The following ZEB2 variants were observed in gnomAD, a reference collection of about 807,000 sequenced individuals.
ZEB2 encodes the protein zinc finger E-box binding homeobox 2, also known as zinc finger E-box-binding homeobox 2.
In ZEB2, 6 loss-of-function variants were observed where a neutral mutation model predicts 99.9. That is an observed-to-expected ratio of 0.06 (90% confidence interval 0.03 to 0.12). The LOEUF (loss-of-function observed/expected upper bound fraction) is 0.12. Ranked by LOEUF, ZEB2 falls within the 10% of genes least tolerant of loss-of-function variation. The probability of loss-of-function intolerance (pLI) is 1.00; values close to 1 mark genes in which losing one functional copy is unlikely to be tolerated. For synonymous variants in ZEB2, 517 were observed against 542.5 expected, an observed-to-expected ratio of 0.95 and a Z score of 0.65; for missense variants, 969 against 1,502.8, an observed-to-expected ratio of 0.64 and a Z score of 5.87.
At chr2:144,477,323 C>G (rs964677948) in intron 2 of ZEB2, among the ~76,000 whole-genome samples, 5 of 152,320 alleles carry the variant, frequency 3.3e-5, no homozygotes, top group South Asian at 4.1e-4. Flanking sequence ...ATCTAAACTT[C>G]CTTTGTTAAA....
chr2:144,400,293 C>T (rs769584738), intron 7 of ZEB2, 23 bp from the exon 8 acceptor site: 12 of 1,600,106 alleles, frequency 7.5e-6, no homozygotes, highest in East Asian at 2.2e-5. Flanking sequence ...TTAAAATTAC[C>T]GTTACATTTC....
At chr2:144,480,965 T>C (rs546621261) in intron 2 of ZEB2, among the ~76,000 whole-genome samples, 33 of 152,334 alleles carry the variant, frequency 2.2e-4, no homozygotes, top group African/African-American at 7.7e-4. Flanking sequence ...TTTTGTATCT[T>C]GCTTCAATCT....
At chr2:144,512,084 G>T in intron 2 of ZEB2, 1 of 1,287,216 alleles carries the variant, frequency 7.8e-7, no homozygotes, top group Non-Finnish European at 1.0e-6. Flanking sequence ...ATGCGGGAAT[G>T]AATGGTACAG....
intron 4 of ZEB2, among the ~76,000 whole-genome samples, chr2:144,422,206 T>C (rs1369809333): frequency 1.3e-5 from 2 of 152,230 alleles, no homozygotes; most frequent in Non-Finnish European, 2.9e-5. Flanking sequence ...TAGCATAACA[T>C]GACCCAGACT....
chr2:144,427,881 A>C (rs1319410981), intron 3 of ZEB2: 1 of 152,180 alleles, frequency 6.6e-6, no homozygotes, highest in African/African-American at 2.4e-5. Context: ...GGCACCATTA[A>C]CTACAGGTGA....
chr2:144,477,664 A>G (rs1349815462), intron 2 of ZEB2, among the ~76,000 whole-genome samples: 6 of 152,190 alleles, frequency 3.9e-5, no homozygotes, highest in Non-Finnish European at 7.3e-5. Context: ...TTCTTCAGCT[A>G]CTTTTGAGTT....
At chr2:144,421,793 A>T (rs1008650907) in intron 4 of ZEB2, among the ~76,000 whole-genome samples, 5 of 151,954 alleles carry the variant, frequency 3.3e-5, no homozygotes, top group Admixed American at 3.3e-4. Context: ...CTTGAACATG[A>T]TCTGAGTATA....
intron 2 of ZEB2, chr2:144,494,620 A>C (rs1704734592): frequency 1.3e-5 from 2 of 152,186 alleles, no homozygotes; most frequent in Non-Finnish European, 2.9e-5. Flanking sequence ...TTTAATGCCC[A>C]GCTGGTTCTG....
intron 2 of ZEB2, among the ~76,000 whole-genome samples, chr2:144,472,260 C>T (rs1704368236): frequency 6.6e-6 from 1 of 152,038 alleles, no homozygotes; most frequent in African/African-American, 2.4e-5. Flanking sequence ...TCTTTATAAT[C>T]ATCCTCAAAA....
intron 2 of ZEB2, among the ~76,000 whole-genome samples, chr2:144,479,224 T>C (rs1004838605): frequency 2.0e-5 from 3 of 152,232 alleles, no homozygotes; most frequent in Non-Finnish European, 2.9e-5. Context: ...ATGCTTGCAT[T>C]TCATTTGAAC....
intron 4 of ZEB2, among the ~76,000 whole-genome samples, chr2:144,414,551 T>A (rs951723119): frequency 2.6e-5 from 4 of 151,974 alleles, no homozygotes; most frequent in African/African-American, 9.7e-5. Flanking sequence ...TCCAGTAAAA[T>A]TTCATTAGAA....
At chr2:144,454,315 C>T (rs1233470275) in intron 2 of ZEB2, among the ~76,000 whole-genome samples, 1 of 152,176 alleles carries the variant, frequency 6.6e-6, no homozygotes, top group East Asian at 1.9e-4. Context: ...AAAAGTTGAA[C>T]TACTGAAACT....
chr2:144,408,934 A>C (rs1703421738), intron 4 of ZEB2, among the ~76,000 whole-genome samples: 1 of 141,692 alleles, frequency 7.1e-6, no homozygotes, highest in East Asian at 2.0e-4. Context: ...AAAAGCATCA[A>C]GGCAGTTTTT....
intron 2 of ZEB2, chr2:144,450,052 T>C (rs532735946): frequency 9.9e-5 from 15 of 152,206 alleles, no homozygotes; most frequent in Non-Finnish European, 1.6e-4. Flanking sequence ...GTGGTAGGTA[T>C]ACCTGGAATT....
intron 2 of ZEB2, among the ~76,000 whole-genome samples, chr2:144,465,994 T>C (rs1273676973): frequency 6.6e-6 from 1 of 152,100 alleles, no homozygotes; most frequent in Admixed American, 6.6e-5. Context: ...AGGGCAGAAC[T>C]TTCCAGTCAA....
chr2:144,458,398 G>T (rs1704149123), intron 2 of ZEB2, among the ~76,000 whole-genome samples: 1 of 152,206 alleles, frequency 6.6e-6, no homozygotes, highest in East Asian at 1.9e-4. Context: ...CAAGTTGCCT[G>T]ATTTTCCTAA....
In ZEB2 at chr2:144,399,311, C is replaced by T. The variant is rs727504224; in HGVS notation, c.1876G>A (p.Gly626Arg). 5.2e-5 allele frequency: 84 copies of T among 1,613,930 alleles called. No individual in the cohort carries two copies. The highest frequency in any genetic ancestry group is 1.2e-4 in the African/African-American group (9 of 74,866). Residue 626 changes from glycine to arginine, a missense_variant, in exon 8 of 10, where the codon GGA becomes AGA. By Grantham distance (125) the Gly-to-Arg change is moderately radical. Coordinates refer to ENST00000627532, the MANE Select transcript of ZEB2 (RefSeq NM_014795.4). This position sits in a 1 kb window ranked among gnomAD's most constrained non-coding sequence, Gnocchi z 5.6. ...AGGGCTTTATTATCAACAAAAACTC[C>T]GGCTTTGTTGGGGACTATGTTTTCA... The part of the protein sequence containing the change: ...PHENIVPNKA[G>R]VFVDNKALLL...
At chr2:144,466,194 G>C (rs1015066967) in intron 2 of ZEB2, among the ~76,000 whole-genome samples, 1 of 152,108 alleles carries the variant, frequency 6.6e-6, no homozygotes, top group Non-Finnish European at 1.5e-5. Context: ...TCTCCCTTAG[G>C]GGGGAAAAGT....
chr2:144,517,241 A>T, intron 2 of ZEB2, 37 bp downstream of exon 2: 1 of 1,611,670 alleles, frequency 6.2e-7, no homozygotes, highest in Non-Finnish European at 8.5e-7. Flanking sequence ...CGAGCCGCGT[A>T]GTGGCCCGGA....
Sources: gnomAD v4.1 joint callset for allele counts (sites outside exome capture counted in the v4.1 genomes callset) on GRCh38, gnomAD v4.1.1 for gene constraint, Gnocchi (gnomAD v3.1) non-coding constraint, MANE v1.5 for transcripts, NCBI Gene and HGNC (gene_info 2026-07-23, HGNC 2026-07-21) for gene names.